The following SLC35D2 variants were observed in gnomAD, a reference collection of about 807,000 sequenced individuals.
SLC35D2 encodes nucleotide sugar transporter SLC35D2.
Under a neutral mutation model 41.8 loss-of-function variants are expected in SLC35D2, and 43 were observed. The ratio of observed to expected loss-of-function variants is 1.03; its 90% CI spans 0.81 to 1.33. The LOEUF is 1.33. SLC35D2 is among the 40% of genes most tolerant of loss of function. The pLI is 0.00. For missense variants in SLC35D2, 380 were observed against 408.4 expected (o/e 0.93, Z 0.60); for synonymous variants, 150 against 163.9 (o/e 0.92, Z 0.65).
At chr9:96,361,834 C>T (rs538494127) in intron 3 of SLC35D2, among the ~76,000 whole-genome samples, 7 of 152,270 alleles carry the variant, frequency 4.6e-5, no homozygotes, top group African/African-American at 7.2e-5. Flanking sequence ...CACCAGAAGT[C>T]AACCCTGCCA....
intron 9 of SLC35D2, 79 bp from the exon 10 acceptor site, chr9:96,324,248 C>A: frequency 8.8e-7 from 1 of 1,138,542 alleles, no homozygotes; most frequent in Non-Finnish European, 1.3e-6. Flanking sequence ...CAGCAGTGAC[C>A]CCCACACAAG....
chr9:96,326,925 T>TA (rs562987576), intron 9 of SLC35D2, among the ~76,000 whole-genome samples: 1 of 151,848 alleles, frequency 6.6e-6, no homozygotes, highest in Admixed American at 6.6e-5. Flanking sequence ...ATGAAAAAAT[T>TA]AAAAAACTCA....
intron 4 of SLC35D2, among the ~76,000 whole-genome samples, chr9:96,353,538 G>C (rs951519730): frequency 9.2e-5 from 14 of 152,236 alleles, no homozygotes; most frequent in South Asian, 6.2e-4. Flanking sequence ...TAGAAATGAA[G>C]TTTTGCCATG....
intron 8 of SLC35D2, among the ~76,000 whole-genome samples, chr9:96,338,276 T>G (rs1829144409): frequency 6.6e-6 from 1 of 152,226 alleles, no homozygotes; most frequent in East Asian, 1.9e-4. Flanking sequence ...AGTTTATAAT[T>G]CAAATTTTTA....
At chr9:96,364,820 A>C (rs1222068783) in intron 2 of SLC35D2, among the ~76,000 whole-genome samples, 1 of 152,106 alleles carries the variant, frequency 6.6e-6, no homozygotes, top group African/African-American at 2.4e-5. Context: ...TGGGAGGCCA[A>C]GATGGGTGGA....
intron 9 of SLC35D2, among the ~76,000 whole-genome samples, chr9:96,325,164 G>A (rs7858292): frequency 0.65 from 99,597 of 152,158 alleles, 33,645 homozygotes; most frequent in East Asian, 0.87. Context: ...CAGCCTTGTG[G>A]ATGAGCGCCA....
intron 8 of SLC35D2, among the ~76,000 whole-genome samples, chr9:96,337,556 G>A (rs574457755): frequency 2.0e-5 from 3 of 152,178 alleles, no homozygotes; most frequent in African/African-American, 7.2e-5. Context: ...GGCAAGAAAA[G>A]TTTAAGGTCA....
intron 10 of SLC35D2, among the ~76,000 whole-genome samples, chr9:96,323,028 T>C (rs1375792691): frequency 4.6e-5 from 7 of 151,388 alleles, no homozygotes; most frequent in Admixed American, 6.6e-5. Context: ...TTTTCTTTTT[T>C]TTTTTTTTTT....
chr9:96,354,175 A>T (rs1829926344), intron 4 of SLC35D2, among the ~76,000 whole-genome samples: 1 of 152,244 alleles, frequency 6.6e-6, no homozygotes, highest in African/African-American at 2.4e-5. Flanking sequence ...AATGGTTAAA[A>T]AGTGAATGTT....
chr9:96,325,683 T>C (rs970900735), intron 9 of SLC35D2, among the ~76,000 whole-genome samples: 12 of 152,100 alleles, frequency 7.9e-5, no homozygotes, highest in Non-Finnish European at 1.2e-4. Context: ...ATTAATTAAT[T>C]AATTAATTAG....
At chr9:96,360,836 G>C (rs1044656288) in intron 3 of SLC35D2, among the ~76,000 whole-genome samples, 1 of 151,720 alleles carries the variant, frequency 6.6e-6, no homozygotes, top group African/African-American at 2.4e-5. Flanking sequence ...CTACCTCCCA[G>C]GTTCAAGCAA....
intron 9 of SLC35D2, among the ~76,000 whole-genome samples, chr9:96,335,976 G>A (rs981009091): frequency 3.3e-5 from 5 of 151,464 alleles, no homozygotes; most frequent in African/African-American, 4.9e-5. Flanking sequence ...CTTGAACCTG[G>A]GAGGCAGAGG....
intron 4 of SLC35D2, among the ~76,000 whole-genome samples, chr9:96,352,353 G>A (rs771048248): frequency 8.6e-5 from 13 of 151,358 alleles, no homozygotes; most frequent in Middle Eastern, 3.2e-3. Context: ...ACAGAGTCTC[G>A]CTGTGTTGCC....
chr9:96,328,518 T>A (rs1359070556), intron 9 of SLC35D2, among the ~76,000 whole-genome samples: 1 of 152,234 alleles, frequency 6.6e-6, no homozygotes, highest in Non-Finnish European at 1.5e-5. Context: ...CAGCTGAGTG[T>A]TCTGCTTCTA....
At chr9:96,325,457 T>G (rs533180550) in intron 9 of SLC35D2, among the ~76,000 whole-genome samples, 1 of 152,260 alleles carries the variant, frequency 6.6e-6, no homozygotes, top group African/African-American at 2.4e-5. Context: ...CAGAGGTGGG[T>G]GAATCACCTG....
chr9:96,355,503 AT>A (rs1554714860), intron 4 of SLC35D2, among the ~76,000 whole-genome samples: 288 of 145,620 alleles, frequency 2.0e-3, no homozygotes, highest in Non-Finnish European at 3.3e-3. Flanking sequence ...AAAAAAAAAA[AT>A]TTTTTTTTTT....
In SLC35D2 at chr9:96,325,832, C is replaced by G. The variant is rs73534922; in HGVS notation, c.753-1663G>C. Among the ~76,000 whole-genome samples, 267 of 152,294 alleles carry G rather than the reference C, an allele frequency of 1.8e-3. 2 individuals are homozygous for G. Among genetic ancestry groups the G allele is most frequent in the African/African-American group, 6.1e-3 (252 of 41,566 alleles). On this transcript the variant is annotated intron_variant, in intron 9 of 11. Coordinates refer to ENST00000253270, the MANE Select transcript of SLC35D2 (RefSeq NM_007001.3). Reference sequence around the variant, plus strand: ...TAGAATCCTGCTAGAATTCAACACTCGGTCTTGGTCCTAGGCTCAAATCTC... The same window carrying G: ...TAGAATCCTGCTAGAATTCAACACTGGGTCTTGGTCCTAGGCTCAAATCTC...
chr9:96,382,492 C>T (rs1370553393), intron 1 of SLC35D2, among the ~76,000 whole-genome samples: 3,045 of 143,704 alleles, frequency 0.021, 44 homozygotes, highest in Middle Eastern at 0.047. Context: ...CACACACACA[C>T]ACACTATATA....
chr9:96,373,918 C>T (rs949805516), intron 1 of SLC35D2: 1 of 152,122 alleles, frequency 6.6e-6, no homozygotes, highest in African/African-American at 2.4e-5. Flanking sequence ...TCAAATGATA[C>T]AATGTAGGAG....
Sources: allele counts gnomAD v4.1 joint callset (sites outside exome capture counted in the v4.1 genomes callset), GRCh38; gene constraint gnomAD v4.1.1; transcripts MANE v1.5; gene names NCBI Gene and HGNC (gene_info 2026-07-23, HGNC 2026-07-21).